TSPEAR: variants seen among roughly 807,000 people sequenced by gnomAD.
TSPEAR encodes the protein thrombospondin-type laminin G domain and EAR repeat-containing protein.
Under a neutral mutation model 71.6 loss-of-function variants are expected in TSPEAR, and 69 were observed. That is an observed-to-expected ratio of 0.96 (90% confidence interval 0.79 to 1.18). The LOEUF is 1.18. TSPEAR is among the 50% of genes most tolerant of loss of function. TSPEAR has a pLI of 0.00. For synonymous variants in TSPEAR, 402 were observed against 387.2 expected (o/e 1.04, Z -0.45); for missense variants, 971 against 894.9 (o/e 1.09, Z -1.09).
chr21:44,509,266 A>G lies in TSPEAR; in HGVS notation c.1687T>C (p.Ser563Pro), dbSNP rs782813421. ...GTCACGTTCAGCTCGTAGATGACGG[A>G]GTTGATGACATAGGAATCATTCTGG... ...QVQNDSYVIN[S>P]VIYELNVTAQ... The change falls in exon 10 of 12, where the codon TCC (serine) becomes CCC (proline). Residue 563 changes from serine to proline, a missense_variant. Physicochemically the swap from Ser to Pro is moderately conservative, Grantham distance 74 (BLOSUM62 -1). Coordinates refer to ENST00000323084, the MANE Select transcript of TSPEAR (RefSeq NM_144991.3). 1.9e-6 allele frequency: 3 copies of G among 1,614,038 alleles called. No homozygotes were observed. The highest frequency in any genetic ancestry group is 2.5e-6 in the Non-Finnish European group (3 of 1,180,030).
chr21:44,516,798 C>T (rs962482793), intron 9 of TSPEAR, among the ~76,000 whole-genome samples: 1 of 152,022 alleles, frequency 6.6e-6, no homozygotes, highest in African/African-American at 2.4e-5. Context: ...CTGCTTCGTC[C>T]TTGGACCTGT....
chr21:44,697,901 C>T lies in TSPEAR; in HGVS notation c.82+13532G>A, dbSNP rs201885340. The T allele has an allele frequency of 2.0e-5, 32 of 1,612,534 alleles. No individual in the cohort carries two copies. The South Asian group carries it at 2.7e-4, about 14-fold the overall frequency. ...CGGCCGCCTGGCCTCCTGCGGGTCCCTCCTCTGCCGCCCCACATGTTCCCG... is the reference window on the plus strand; with the variant it reads ...CGGCCGCCTGGCCTCCTGCGGGTCCTTCCTCTGCCGCCCCACATGTTCCCG... On this transcript the variant is annotated intron_variant, in intron 1 of 11. Coordinates refer to ENST00000323084, the MANE Select transcript of TSPEAR (RefSeq NM_144991.3).
At chr21:44,535,169 A>G (rs2053067570) in intron 2 of TSPEAR, among the ~76,000 whole-genome samples, 1 of 152,160 alleles carries the variant, frequency 6.6e-6, no homozygotes, top group African/African-American at 2.4e-5. Flanking sequence ...GCACAACAAC[A>G]TGGATGTCCT....
Position 44,640,906 on chromosome 21 carries a change from G to A in TSPEAR, c.82+70527C>T, listed in dbSNP as rs943300186. Among the ~76,000 whole-genome samples the A allele has an allele frequency of 3.3e-5, 5 of 152,162 alleles. 1 individual carries two copies. The highest frequency in any genetic ancestry group is 7.2e-5 in the African/African-American group (3 of 41,432). On this transcript the variant is annotated intron_variant, in intron 1 of 11. Transcript: ENST00000323084. ...GAGCCATTCCATGCCTGCAACCAGC[G>A]GGAGAACCAGGAAGGGTGGGGTTGG...
chr21:44,594,450 G>C (rs587757974), intron 1 of TSPEAR, among the ~76,000 whole-genome samples: 26 of 152,248 alleles, frequency 1.7e-4, no homozygotes, highest in African/African-American at 6.3e-4. Flanking sequence ...GGGTGTGCCC[G>C]CCCATCAGAC....
chr21:44,702,093 A>T, intron 1 of TSPEAR: 1 of 820,332 alleles, frequency 1.2e-6, no homozygotes, highest in Non-Finnish European at 1.9e-6. Flanking sequence ...TATGAGAGGG[A>T]GGCAGGGAAA....
intron 1 of TSPEAR, chr21:44,591,678 G>T (rs782691146): frequency 6.3e-7 from 1 of 1,579,616 alleles, no homozygotes; most frequent in Non-Finnish European, 8.7e-7. Context: ...GCACACAGCA[G>T]GCGTGCTGGC....
At chr21:44,518,254 TGCA>T in intron 9 of TSPEAR, 1 of 461,760 alleles carries the variant, frequency 2.2e-6, no homozygotes, top group Non-Finnish European at 4.5e-6. Flanking sequence ...GCCTGACTCC[TGCA>T]GTTTTCAGGA....
At chr21:44,654,664 C>T (rs1382942995) in intron 1 of TSPEAR, 2 of 1,319,028 alleles carry the variant, frequency 1.5e-6, no homozygotes, top group African/African-American at 1.5e-5. Flanking sequence ...TGGTCTGGAG[C>T]CTGCTTCCTT....
At chr21:44,524,750 CAGTA>C (rs1465741111) in intron 8 of TSPEAR, among the ~76,000 whole-genome samples, 1 of 150,152 alleles carries the variant, frequency 6.7e-6, no homozygotes, top group Non-Finnish European at 1.5e-5. Flanking sequence ...GTCAATCAGT[CAGTA>C]AGGTAGTCAG....
intron 1 of TSPEAR, chr21:44,658,216 CT>C: frequency 6.2e-7 from 1 of 1,614,154 alleles, no homozygotes; most frequent in Non-Finnish European, 8.5e-7. Flanking sequence ...GCCAGCCCCC[CT>C]GCACCACTGC....
At chr21:44,699,056 G>A (rs1309029642) in intron 1 of TSPEAR, among the ~76,000 whole-genome samples, 3 of 152,020 alleles carry the variant, frequency 2.0e-5, no homozygotes, top group African/African-American at 4.8e-5. Flanking sequence ...AAATTAGCAG[G>A]GCATCATGGC....
chr21:44,566,412 G>A (rs2053704242), intron 2 of TSPEAR, among the ~76,000 whole-genome samples: 1 of 152,106 alleles, frequency 6.6e-6, no homozygotes, highest in South Asian at 2.1e-4. Flanking sequence ...ATCCACTCAT[G>A]TTAATATTGT....
intron 1 of TSPEAR, among the ~76,000 whole-genome samples, chr21:44,682,796 A>C (rs1248291541): frequency 6.6e-6 from 1 of 152,216 alleles, no homozygotes; most frequent in Non-Finnish European, 1.5e-5. Flanking sequence ...GTCAGAGCAG[A>C]ATACAGTGAC....
intron 1 of TSPEAR, chr21:44,579,949 G>A (rs1555924706): frequency 1.9e-6 from 3 of 1,614,120 alleles, no homozygotes; most frequent in Middle Eastern, 1.7e-4. Flanking sequence ...AGGAGGTGGT[G>A]CAGCAAGCCG....
chr21:44,522,696 G>C (rs1014690192), intron 8 of TSPEAR, among the ~76,000 whole-genome samples: 1 of 152,268 alleles, frequency 6.6e-6, no homozygotes, highest in Non-Finnish European at 1.5e-5. Flanking sequence ...GAAAGCAGGT[G>C]TCCCGGTACC....
At chr21:44,696,505 G>A (rs1987340014) in intron 1 of TSPEAR, among the ~76,000 whole-genome samples, 1 of 152,172 alleles carries the variant, frequency 6.6e-6, no homozygotes, top group African/African-American at 2.4e-5. Flanking sequence ...GGTTAGTGAG[G>A]TCATATTTAC....
chr21:44,539,300 C>T lies in TSPEAR; in HGVS notation c.304-5377G>A, dbSNP rs376267116. On this transcript the variant is annotated intron_variant, in intron 2 of 11. Coordinates refer to ENST00000323084, the MANE Select transcript of TSPEAR (RefSeq NM_144991.3). Reference sequence around the variant, plus strand: ...GCTGGACTCCTGGCCTGAGCAGAGGCCTCAGCAGGCCGGGCGGGAGCACGC... The same window carrying T: ...GCTGGACTCCTGGCCTGAGCAGAGGTCTCAGCAGGCCGGGCGGGAGCACGC... The T allele has an allele frequency of 9.9e-6, 16 of 1,608,156 alleles. No individual in the cohort carries two copies. The African/African-American group carries it at 2.0e-4, about 20-fold the overall frequency.
chr21:44,684,619 C>T (rs1296029109), intron 1 of TSPEAR, among the ~76,000 whole-genome samples: 3 of 152,232 alleles, frequency 2.0e-5, no homozygotes, highest in African/African-American at 4.8e-5. Flanking sequence ...ATGTGCGCTG[C>T]AGGCAACGTG....
Sources: allele counts gnomAD v4.1 joint callset (sites outside exome capture counted in the v4.1 genomes callset), GRCh38; gene constraint gnomAD v4.1.1; transcripts MANE v1.5; gene names NCBI Gene and HGNC (gene_info 2026-07-23, HGNC 2026-07-21).